KCNT1: variants seen among roughly 807,000 people sequenced by gnomAD.
KCNT1 encodes the protein potassium channel subfamily T member 1.
KCNT1 carries 78 observed loss-of-function variants against 147.8 expected under a neutral mutation model. The ratio of observed to expected loss-of-function variants is 0.53; its 90% CI spans 0.44 to 0.64. The LOEUF (loss-of-function observed/expected upper bound fraction) is 0.64. Ranked by LOEUF, KCNT1 falls within the 30% of genes least tolerant of loss-of-function variation. KCNT1 has a pLI of 0.00. For synonymous variants in KCNT1, 867 were observed against 748.8 expected, an observed-to-expected ratio of 1.16 and a Z score of -2.58; for missense variants, 1,419 against 1,750.3, an observed-to-expected ratio of 0.81 and a Z score of 3.38.
rs764050624 is a variant in KCNT1 at position 135,757,364 on chromosome 9, G to T, written c.742G>T (p.Ala248Ser). The T allele has an allele frequency of 6.2e-7, 1 of 1,609,530 alleles. No individual in the cohort carries two copies. Among genetic ancestry groups the T allele is most frequent in the Admixed American group, 1.7e-5 (1 of 60,000 alleles). Residue 248 changes from alanine to serine, a missense_variant, in exon 9 of 31, where the codon GCG (alanine) becomes TCG (serine). Ala to Ser is a moderately conservative substitution (Grantham distance 99). Coordinates refer to ENST00000371757, the MANE Select transcript of KCNT1 (RefSeq NM_020822.3). ...TCTGAACTGCTGGCTGGCCAAGCAC[G>T]CGCTGGAAAACATGATTGTAAGCCG... ...VFLNCWLAKH[A>S]LENMINDFHR...
chr9:135,780,921 G>A (rs1220945293), intron 24 of KCNT1, among the ~76,000 whole-genome samples: 4 of 152,220 alleles, frequency 2.6e-5, no homozygotes, highest in Admixed American at 6.5e-5. Context: ...TCATCCTGGC[G>A]CGGCTCCTCC....
rs1333549995 is a variant in KCNT1, at chr9:135,775,310, G to C, written c.2244G>C (p.Glu748Asp). ...TGAGGGCTCCTGTCTCCTGCCCCAGGTATGTGAAGGGCTACCCTCCCAACT... is the reference window on the plus strand; with the variant it reads ...TGAGGGCTCCTGTCTCCTGCCCCAGCTATGTGAAGGGCTACCCTCCCAACT... ...PSDDEGLSVV[E>D]YVKGYPPNSP... Residue 748 changes from glutamate (E) to aspartate (D), a missense_variant and splice_region_variant, in exon 20 of 31, where the codon GAG (glutamate) becomes GAC (aspartate). Around this residue, in one of 5 missense-constraint regions of KCNT1, gnomAD observed 284 missense variants for 292.8 expected, o/e 0.97. Transcript: ENST00000371757. 2.5e-6 allele frequency: 4 copies of C among 1,603,886 alleles called. No individual in the cohort carries two copies. The highest frequency in any genetic ancestry group is 3.4e-6 in the Non-Finnish European group (4 of 1,174,900).
At chr9:135,760,469 A>C (rs1831842047) in intron 11 of KCNT1, among the ~76,000 whole-genome samples, 1 of 152,070 alleles carries the variant, frequency 6.6e-6, no homozygotes, top group Non-Finnish European at 1.5e-5. Flanking sequence ...GAAGGAGGGG[A>C]CCCCTGTGGG....
chr9:135,727,308 CCATT>C, intron 2 of KCNT1, among the ~76,000 whole-genome samples: 1 of 112,010 alleles, frequency 8.9e-6, no homozygotes. Context: ...CCTCTCTTTC[CCATT>C]CTCTCTCTCC....
intron 20 of KCNT1, among the ~76,000 whole-genome samples, chr9:135,777,004 C>T (rs1434644106): frequency 6.6e-6 from 1 of 152,262 alleles, no homozygotes; most frequent in Non-Finnish European, 1.5e-5. Context: ...CTGCTGTTGG[C>T]ATCCCTGCTC....
chr9:135,744,985 C>T lies in KCNT1; in HGVS notation c.255-5113C>T, dbSNP rs890765389. Among the ~76,000 whole-genome samples, 7 of 152,300 alleles carry T rather than the reference C, an allele frequency of 4.6e-5. No homozygotes were observed. In the East Asian group the frequency reaches 5.8e-4, roughly 13 times the overall value. On this transcript the variant is annotated intron_variant, in intron 2 of 30. Transcript: ENST00000371757. ...GTGAGACGGGCCCGGCCCCCTGTGG[C>T]GAGTGTGTGGCTGCGCCCTGAGCCC... is the stretch of plus-strand genomic sequence containing the variant.
chr9:135,725,701 A>C lies in KCNT1; in HGVS notation c.254+10981A>C, dbSNP rs576778427. Among the ~76,000 whole-genome samples the C allele has an allele frequency of 6.6e-5, 10 of 152,308 alleles. No individual in the cohort carries two copies. The East Asian group carries it at 9.6e-4, about 15-fold the overall frequency. ...CAAAGCCGGGGGGGCCCCAGGGGCC[A>C]CTAAGGAGGTTCCCACGTGGAGCTG... On this transcript the variant is annotated intron_variant, in intron 2 of 30. Coordinates refer to ENST00000371757, the MANE Select transcript of KCNT1 (RefSeq NM_020822.3).
chr9:135,753,109 G>A (rs1831283985), intron 4 of KCNT1, among the ~76,000 whole-genome samples: 1 of 151,960 alleles, frequency 6.6e-6, no homozygotes, highest in African/African-American at 2.4e-5. Flanking sequence ...TGAGTGGATG[G>A]ATGGAGAGAT....
rs75842042 is a variant in KCNT1, at chr9:135,728,900, C to T, written c.254+14180C>T. Among the ~76,000 whole-genome samples the T allele has an allele frequency of 9.8e-5, 15 of 152,334 alleles. No individual in the cohort carries two copies. The East Asian group carries it at 1.7e-3, about 18-fold the overall frequency. On this transcript the variant is annotated intron_variant, in intron 2 of 30. Coordinates refer to ENST00000371757, the MANE Select transcript of KCNT1 (RefSeq NM_020822.3). ...GGATTGTGAATCTGAGACATCACAC[C>T]ACGATTGTCACGTGACATGGTGTTC...
chr9:135,772,944 G>A lies in KCNT1; in HGVS notation c.2238G>A (p.Val746=). ...VTPSDDEGLS[V]VEYVKGYPPN... ...CGTCGGACGACGAGGGGCTCTCCGT[G>A]GTAGAGTGAGTGCTGCCTTGGAGAC... Residue 746 remains valine, a synonymous_variant, in exon 19 of 31, where the codon GTG becomes GTA. Transcript: ENST00000371757. 2.0e-6 allele frequency: 3 copies of A among 1,485,578 alleles called. No homozygotes were observed. Among genetic ancestry groups the A allele is most frequent in the Non-Finnish European group, 2.7e-6 (3 of 1,118,892 alleles). The allele number at this position is 1,485,578 out of a possible 1,614,324, so 92.0% of individuals were successfully genotyped here.
At chr9:135,773,776 CAT>C (rs1230971480) in intron 19 of KCNT1, among the ~76,000 whole-genome samples, 1 of 152,198 alleles carries the variant, frequency 6.6e-6, no homozygotes, top group Admixed American at 6.5e-5. Flanking sequence ...TGAACCATTG[CAT>C]GTGTGTGTTG....
At chr9:135,718,453 C>T (rs1036823100) in intron 2 of KCNT1, among the ~76,000 whole-genome samples, 42 of 152,132 alleles carry the variant, frequency 2.8e-4, no homozygotes, top group Non-Finnish European at 4.6e-4. Flanking sequence ...GGGCTGTGGA[C>T]GGAAGGGCTG....
At chr9:135,760,830 C>G (rs921293286) in intron 11 of KCNT1, among the ~76,000 whole-genome samples, 7 of 152,240 alleles carry the variant, frequency 4.6e-5, no homozygotes, top group African/African-American at 1.7e-4. Flanking sequence ...TGGTTGTCGG[C>G]CACTCCACCG....
rs1564363300 is a variant in KCNT1 at position 135,765,734 on chromosome 9, C to CAT, written c.1312_1313insTA (p.Lys438IlefsTer42). ...TCATCTACCTCCAGGGCTCTGCACT[C>CAT]AAAGACCAGGACCTCATGCGAGCCA... On this transcript the variant is annotated frameshift_variant, in exon 13 of 31. Coordinates refer to ENST00000371757, the MANE Select transcript of KCNT1 (RefSeq NM_020822.3). LOFTEE classifies it high-confidence loss of function. The CAT allele has an allele frequency of 6.3e-7, 1 of 1,581,720 alleles. No individual in the cohort carries two copies. Among genetic ancestry groups the CAT allele is most frequent in the South Asian group, 1.1e-5 (1 of 90,298 alleles).
Position 135,768,684 on chromosome 9 carries a change from C to T in KCNT1, c.1401+11C>T. The T allele has an allele frequency of 6.5e-7, 1 of 1,549,656 alleles. No homozygotes were observed. ...GACCGCACGGCTGCAGTGAGTGAGGCTGAGGCCCTGCCCAGGCGGGAGGGG... is the reference window on the plus strand; with the variant it reads ...GACCGCACGGCTGCAGTGAGTGAGGTTGAGGCCCTGCCCAGGCGGGAGGGG... On this transcript the variant is annotated intron_variant, in intron 14 of 30. Coordinates refer to ENST00000371757, the MANE Select transcript of KCNT1 (RefSeq NM_020822.3).
intron 15 of KCNT1, 128 bp from the exon 16 acceptor site, chr9:135,769,819 G>A (rs941904919): frequency 7.3e-5 from 49 of 670,530 alleles, no homozygotes; most frequent in East Asian, 1.1e-4. Flanking sequence ...TGCTGAAGCC[G>A]GACAGCAGAC....
chr9:135,716,522 A>T (rs1009277692), intron 2 of KCNT1, among the ~76,000 whole-genome samples: 2 of 152,162 alleles, frequency 1.3e-5, no homozygotes, highest in African/African-American at 4.8e-5. Context: ...ACACTGTGCC[A>T]CCCTCACCAC....
chr9:135,736,925 A>G, intron 2 of KCNT1: 1 of 294,178 alleles, frequency 3.4e-6, no homozygotes, highest in Admixed American at 5.2e-5. Context: ...TAAGCCCACC[A>G]CAGCGCCCTG....
intron 13 of KCNT1, among the ~76,000 whole-genome samples, chr9:135,767,981 T>A (rs1474735469): frequency 6.6e-6 from 1 of 151,106 alleles, no homozygotes; most frequent in Admixed American, 6.6e-5. Context: ...GCTGTCAGCC[T>A]GCACACACTC....
Sources: gnomAD v4.1 joint callset for allele counts (sites outside exome capture counted in the v4.1 genomes callset) on GRCh38, gnomAD v4.1.1 for gene constraint, gnomAD v4.1.1 regional missense constraint, MANE v1.5 for transcripts, NCBI Gene and HGNC (gene_info 2026-07-23, HGNC 2026-07-21) for gene names.